CRACDL: variants seen among roughly 807,000 people sequenced by gnomAD.
CRACDL encodes the protein CRACD like.
In CRACDL, 26 loss-of-function variants were observed where a neutral mutation model predicts 70.6. The ratio of observed to expected loss-of-function variants is 0.37; its 90% CI spans 0.27 to 0.51. CRACDL has a LOEUF of 0.51. Among genes scored for constraint, CRACDL ranks in the 20% least tolerant of loss-of-function variants. The pLI is 0.94. For missense variants in CRACDL, 1,283 were observed against 1,376.9 expected, an observed-to-expected ratio of 0.93 and a Z score of 1.08; for synonymous variants, 618 against 615.2, an observed-to-expected ratio of 1.00 and a Z score of -0.07.
rs533493471 is a variant in CRACDL at position 98,894,086 on chromosome 2, C to T, written c.-11+41852G>A. ...GCTACTCCGTGCCTGCACTCACCTC[C>T]CCTACACACCACTTCCTCTTCCTCC... is the stretch of plus-strand genomic sequence containing the variant. On this transcript the variant is annotated intron_variant, in intron 1 of 9. Coordinates refer to ENST00000397899, the MANE Select transcript of CRACDL (RefSeq NM_207362.3). 2.8e-4 allele frequency among the ~76,000 whole-genome samples: 42 copies of T among 152,114 alleles called. No individual in the cohort carries two copies. In the South Asian group the frequency reaches 8.7e-3, roughly 32 times the overall value.
intron 1 of CRACDL, among the ~76,000 whole-genome samples, chr2:98,870,822 T>C (rs1187175896): frequency 1.3e-5 from 2 of 152,152 alleles, no homozygotes; most frequent in Admixed American, 1.3e-4. Context: ...TAGGGCCCCC[T>C]CAGGAGCCTC....
At chr2:98,892,070 C>T (rs1488947036) in intron 1 of CRACDL, among the ~76,000 whole-genome samples, 2 of 152,106 alleles carry the variant, frequency 1.3e-5, no homozygotes, top group Admixed American at 1.3e-4. Flanking sequence ...AATAGGCATG[C>T]CAACATACTG....
chr2:98,808,670 C>T (rs1704424559), intron 7 of CRACDL, among the ~76,000 whole-genome samples: 2 of 152,192 alleles, frequency 1.3e-5, no homozygotes, highest in African/African-American at 4.8e-5. Context: ...CCTCAGACCT[C>T]ACCTCCTGCC....
At chr2:98,872,930 T>C (rs1707388087) in intron 1 of CRACDL, among the ~76,000 whole-genome samples, 1 of 152,256 alleles carries the variant, frequency 6.6e-6, no homozygotes, top group African/African-American at 2.4e-5. Flanking sequence ...TTTTTCACGC[T>C]TCCTAAGTTT....
At chr2:98,798,077 C>T (rs1329982967) in intron 7 of CRACDL, among the ~76,000 whole-genome samples, 4 of 152,130 alleles carry the variant, frequency 2.6e-5, no homozygotes, top group Admixed American at 6.6e-5. Flanking sequence ...GGTGCGGTGG[C>T]GCATGCCTGT....
At chr2:98,809,409 T>C (rs1424205887) in intron 7 of CRACDL, among the ~76,000 whole-genome samples, 1 of 152,030 alleles carries the variant, frequency 6.6e-6, no homozygotes, top group African/African-American at 2.4e-5. Context: ...GTGGGTCATG[T>C]GGTGGTCCTG....
chr2:98,906,035 A>G (rs1320219166), intron 1 of CRACDL, among the ~76,000 whole-genome samples: 5 of 148,374 alleles, frequency 3.4e-5, no homozygotes, highest in African/African-American at 7.4e-5. Context: ...TTTGGCCCCA[A>G]TCTCCCTCTC....
chr2:98,865,329 G>C (rs1301240342), intron 1 of CRACDL, among the ~76,000 whole-genome samples: 4 of 152,074 alleles, frequency 2.6e-5, no homozygotes, highest in Non-Finnish European at 5.9e-5. Flanking sequence ...CCTTCAGGAT[G>C]TGTCAAGACC....
Position 98,795,075 on chromosome 2 carries a change from A to ATTTT in CRACDL, c.2750-405_2750-404insAAAA, listed in dbSNP as rs1310155610. Among the ~76,000 whole-genome samples the ATTTT allele has an allele frequency of 9.0e-4, 22 of 24,468 alleles. 2 individuals carry two copies. The highest frequency in any genetic ancestry group is 1.9e-3 in the African/African-American group (18 of 9,466). 16.1% of individuals were successfully genotyped at this position (24,468 alleles called of 152,430 possible). On this transcript the variant is annotated intron_variant, in intron 9 of 9. Transcript: ENST00000397899. ...TATATATATATATATATATATATAT[A>ATTTT]TATTTTTTTTTTTTTTTGAGACAGA...
intron 2 of CRACDL, among the ~76,000 whole-genome samples, chr2:98,841,510 T>A (rs12712033): frequency 6.6e-6 from 1 of 151,992 alleles, no homozygotes; most frequent in Admixed American, 6.5e-5. Flanking sequence ...TTCTGATTGT[T>A]AAAAAAAACC....
chr2:98,902,094 G>C (rs972413972), intron 1 of CRACDL, among the ~76,000 whole-genome samples: 1 of 152,146 alleles, frequency 6.6e-6, no homozygotes, highest in Admixed American at 6.5e-5. Context: ...AACAACCAGG[G>C]CTAGTGACTC....
chr2:98,844,228 T>G (rs1706153555), intron 2 of CRACDL, among the ~76,000 whole-genome samples: 1 of 152,232 alleles, frequency 6.6e-6, no homozygotes, highest in Non-Finnish European at 1.5e-5. Context: ...AGAGATAGTT[T>G]TATTTCTTTC....
intron 1 of CRACDL, among the ~76,000 whole-genome samples, chr2:98,875,783 C>T (rs886819575): frequency 2.0e-5 from 3 of 152,260 alleles, no homozygotes; most frequent in African/African-American, 7.2e-5. Context: ...CTAGTATCTG[C>T]ATTTATTAAA....
At chr2:98,931,743 T>A (rs1265633690) in intron 1 of CRACDL, among the ~76,000 whole-genome samples, 1 of 152,234 alleles carries the variant, frequency 6.6e-6, no homozygotes, top group Non-Finnish European at 1.5e-5. Context: ...GAATCCTTCC[T>A]ACCAGCAGTC....
At chr2:98,865,040 G>A (rs1707080312) in intron 1 of CRACDL, among the ~76,000 whole-genome samples, 1 of 152,192 alleles carries the variant, frequency 6.6e-6, no homozygotes, top group Admixed American at 6.5e-5. Flanking sequence ...GTGCAGGCAG[G>A]AATAGGGGAA....
intron 7 of CRACDL, among the ~76,000 whole-genome samples, chr2:98,801,995 GA>G (rs1488964881): frequency 1.3e-5 from 2 of 152,272 alleles, no homozygotes; most frequent in African/African-American, 4.8e-5. Context: ...GTTGTGATAA[GA>G]AAACCACAGC....
chr2:98,848,789 T>C (rs1463504392), intron 1 of CRACDL, among the ~76,000 whole-genome samples: 1 of 152,216 alleles, frequency 6.6e-6, no homozygotes, highest in Non-Finnish European at 1.5e-5. Context: ...GGTTTCGCCA[T>C]GTTGGCCAGG....
At chr2:98,902,323 G>C (rs771434456) in intron 1 of CRACDL, among the ~76,000 whole-genome samples, 2 of 152,128 alleles carry the variant, frequency 1.3e-5, no homozygotes, top group African/African-American at 2.4e-5. Context: ...GCAGGGCCCC[G>C]AGTCAGGCCT....
chr2:98,911,716 C>T (rs1708551791), intron 1 of CRACDL, among the ~76,000 whole-genome samples: 1 of 152,160 alleles, frequency 6.6e-6, no homozygotes, highest in Non-Finnish European at 1.5e-5. Flanking sequence ...AAGGACAGGT[C>T]AGGGCAGAAA....
Sources: allele counts gnomAD v4.1 joint callset (sites outside exome capture counted in the v4.1 genomes callset), GRCh38; gene constraint gnomAD v4.1.1; transcripts MANE v1.5; gene names NCBI Gene and HGNC (gene_info 2026-07-23, HGNC 2026-07-21).